Variants in DISP3 observed in about 807,000 individuals in gnomAD.
DISP3 encodes the protein dispatched RND transporter family member 3, also known as protein dispatched homolog 3.
A neutral mutation model predicts 135.3 loss-of-function variants in DISP3; 101 were observed. That is an observed-to-expected ratio of 0.75 (90% CI 0.64 to 0.88). The LOEUF (loss-of-function observed/expected upper bound fraction) is 0.88. DISP3 is among the 40% of genes least tolerant of loss of function. The pLI is 0.00. For missense variants in DISP3, 1,713 were observed against 1,878.6 expected, an observed-to-expected ratio of 0.91 and a Z score of 1.63; for synonymous variants, 856 against 817.0, an observed-to-expected ratio of 1.05 and a Z score of -0.81.
Position 11,483,538 on chromosome 1 carries a change from G to A in DISP3, c.-4+4166G>A, listed in dbSNP as rs1640959233. 6.6e-6 allele frequency among the ~76,000 whole-genome samples: 1 copy of A among 152,218 alleles called. No homozygotes were observed. Among genetic ancestry groups the A allele is most frequent in the Non-Finnish European group, 1.5e-5 (1 of 68,036 alleles). On this transcript the variant is annotated intron_variant, in intron 1 of 20. Coordinates refer to ENST00000294484, the MANE Select transcript of DISP3 (RefSeq NM_020780.2). The surrounding 1 kb of genome is among the most constrained non-coding windows in gnomAD (Gnocchi z 5.4). The stretch of plus-strand genomic sequence containing the variant: ...GCTGGGATCAGATTTTGATCTGAAT[G>A]AAGCAAAAACCCCCATTTTGCCAAG...
intron 1 of DISP3, among the ~76,000 whole-genome samples, chr1:11,500,236 G>A (rs1641464388): frequency 1.3e-5 from 2 of 152,252 alleles, no homozygotes; most frequent in Admixed American, 1.3e-4. Context: ...AAGCTACTGA[G>A]GGTTCTCCAG....
At chr1:11,507,177 G>T (rs1257527518) in intron 3 of DISP3, among the ~76,000 whole-genome samples, 1 of 152,144 alleles carries the variant, frequency 6.6e-6, no homozygotes, top group Non-Finnish European at 1.5e-5. Context: ...ACTTCAGAAG[G>T]CACATAGAGT....
chr1:11,494,852 G>A (rs1359849877), intron 1 of DISP3, among the ~76,000 whole-genome samples: 3 of 152,188 alleles, frequency 2.0e-5, no homozygotes, highest in Non-Finnish European at 2.9e-5. Flanking sequence ...TGGTATGGGG[G>A]AGTGGAGAAG....
rs552575328 is a variant in DISP3 at position 11,483,288 on chromosome 1, C to T, written c.-4+3916C>T. ...ACATGGCTGATGGCCTCAGGTCCTCCGCCTTATGATGGGAGGCTGGTGATA... is the reference window on the plus strand; with the variant it reads ...ACATGGCTGATGGCCTCAGGTCCTCTGCCTTATGATGGGAGGCTGGTGATA... On this transcript the variant is annotated intron_variant, in intron 1 of 20. Transcript: ENST00000294484. This position sits in a 1 kb window ranked among gnomAD's most constrained non-coding sequence, Gnocchi z 5.4. Among the ~76,000 whole-genome samples the T allele has an allele frequency of 3.3e-4, 51 of 152,338 alleles. 1 individual carries two copies. The highest frequency in any genetic ancestry group is 1.2e-3 in the African/African-American group (49 of 41,574).
In DISP3 at chr1:11,522,639, A is replaced by ACCCAGCCAGG. The variant is rs1557615099; in HGVS notation, c.2363-1303_2363-1302insCCCAGCCAGG. Among the ~76,000 whole-genome samples, 53 of 50,116 alleles carry ACCCAGCCAGG rather than the reference A, an allele frequency of 1.1e-3. 2 individuals are homozygous for ACCCAGCCAGG. The highest frequency in any genetic ancestry group is 3.7e-3 in the African/African-American group (43 of 11,576). 32.9% of individuals were successfully genotyped at this position (50,116 alleles called of 152,430 possible). On this transcript the variant is annotated intron_variant, in intron 10 of 20. Coordinates refer to ENST00000294484, the MANE Select transcript of DISP3 (RefSeq NM_020780.2). Reference sequence around the variant, plus strand: ...CAGGACCCAGCCAGAGCCCAGCCAGAGCCCAGCCAGGGCCCAGCCAGAGCC... The same window carrying ACCCAGCCAGG: ...CAGGACCCAGCCAGAGCCCAGCCAGACCCAGCCAGGGCCCAGCCAGGGCCCAGCCAGAGCC...
intron 3 of DISP3, among the ~76,000 whole-genome samples, chr1:11,512,862 G>T (rs189764142): frequency 6.6e-6 from 1 of 152,270 alleles, no homozygotes; most frequent in East Asian, 1.9e-4. Flanking sequence ...CAGAATCATG[G>T]CAGGAGGCAA....
rs749585684 is a variant in DISP3 at position 11,519,394 on chromosome 1, C to T, written c.1929C>T (p.Phe643=). ...QNCSRKTSLH[F]PGDVFAAPEQ... The stretch of plus-strand genomic sequence containing the variant: ...GCAGCCGGAAGACCTCCCTGCACTT[C>T]CCCGGAGACGTGTTTGCCGCTCCCG... Residue 643 remains phenylalanine, a synonymous_variant, in exon 8 of 21, where the codon TTC becomes TTT. Transcript: ENST00000294484. The surrounding 1 kb of genome is among the most constrained non-coding windows in gnomAD (Gnocchi z 4.3). 6 of 1,613,766 alleles carry T rather than the reference C, an allele frequency of 3.7e-6. No homozygotes were observed. The African/African-American group carries it at 8.0e-5, about 22-fold the overall frequency.
In DISP3 at chr1:11,534,486, C is replaced by T. The variant is rs1177151755; in HGVS notation, c.3481C>T (p.Arg1161Cys). The T allele has an allele frequency of 6.8e-6, 11 of 1,613,878 alleles. No individual in the cohort carries two copies. Among genetic ancestry groups the T allele is most frequent in the East Asian group, 2.2e-5 (1 of 44,886 alleles). Reference protein sequence around the residue: ...LQALPEGSVLRRGFQTCEHWK... With the variant: ...LQALPEGSVLCRGFQTCEHWK... ...GGCCTTGCCCGAGGGCTCAGTCCTG[C>T]GCCGGGGCTTCCAGACCTGCGAGCA... Residue 1161 changes from arginine (R) to cysteine (C), a missense_variant, in exon 18 of 21, where the codon CGC becomes TGC. Physicochemically the swap from Arg to Cys is radical, Grantham distance 180. Around this residue, in one of 2 missense-constraint regions of DISP3, gnomAD observed 1,142 missense variants for 1,384.6 expected, o/e 0.82. Transcript: ENST00000294484.
rs1256052301 is a variant in DISP3, at chr1:11,535,133, G to A, written c.3649+9G>A. 25 of 1,591,848 alleles carry A rather than the reference G, an allele frequency of 1.6e-5. No individual in the cohort carries two copies. The highest frequency in any genetic ancestry group is 2.1e-5 in the Non-Finnish European group (24 of 1,170,180). On this transcript the variant is annotated intron_variant, in intron 19 of 20. Coordinates refer to ENST00000294484, the MANE Select transcript of DISP3 (RefSeq NM_020780.2). ...GCTCCTCAGCATCTTGGGTACGTGG[G>A]CGAGGGGCTGGCAGGCACCCTGCTG...
At position 11,536,677 on chromosome 1, in the gene DISP3, C is replaced by T. The variant is rs1642714067; in HGVS notation, c.4170C>T (p.Ala1390=). 1.9e-5 allele frequency: 30 copies of T among 1,568,950 alleles called. 1 individual carries two copies. In the East Asian group the frequency reaches 6.4e-4, roughly 33 times the overall value. Residue 1390 remains alanine (A), a synonymous_variant, in exon 21 of 21, where the codon GCC becomes GCT. Coordinates refer to ENST00000294484, the MANE Select transcript of DISP3 (RefSeq NM_020780.2). The surrounding 1 kb of genome is among the most constrained non-coding windows in gnomAD (Gnocchi z 4.3). The stretch of plus-strand genomic sequence containing the variant: ...ATAAGATTCCCCTGCCCGCAGGGGC[C>T]TCCCTATAGCCCGGGACGGGCTCTG... ...SGYKIPLPAG[A]SL is the part of the protein sequence containing the mutation.
At position 11,536,550 on chromosome 1, in the gene DISP3, C is replaced by G; in HGVS notation, c.4043C>G (p.Ser1348Cys). The G allele has an allele frequency of 3.1e-6, 5 of 1,612,820 alleles. No individual in the cohort carries two copies. The South Asian group carries it at 5.5e-5, about 18-fold the overall frequency. Reference sequence around the variant, plus strand: ...CTGCTGGGCATCATGGCGCCCAGCTCTTTCACTCGGACCCGGACTTCCTTC... The same window carrying G: ...CTGCTGGGCATCATGGCGCCCAGCTGTTTCACTCGGACCCGGACTTCCTTC... ...TALLGIMAPS[S>C]FTRTRTSFLK... The change falls in exon 21 of 21, where the codon TCT becomes TGT. Residue 1348 changes from serine (S) to cysteine (C), a missense_variant. By Grantham distance (112) the Ser-to-Cys change is moderately radical (BLOSUM62 -1). Transcript: ENST00000294484. The surrounding 1 kb of genome is among the most constrained non-coding windows in gnomAD (Gnocchi z 4.3).
At chr1:11,514,312 C>T in intron 3 of DISP3, 78 bp from the exon 4 acceptor site, 1 of 1,484,030 alleles carries the variant, frequency 6.7e-7, no homozygotes, top group Non-Finnish European at 9.3e-7. Context: ...CCTGATACTC[C>T]TCTACATGTT....
In DISP3 at chr1:11,529,513, C is replaced by T; in HGVS notation, c.2799-43C>T. ...GCTGGCCTCACCTCCCCTGACTCCT[C>T]CTAGCCTTTCCGGCCTCAGCCCAGC... On this transcript the variant is annotated intron_variant, in intron 13 of 20. Transcript: ENST00000294484. This position sits in a 1 kb window ranked among gnomAD's most constrained non-coding sequence, Gnocchi z 4.7. The T allele has an allele frequency of 2.6e-6, 4 of 1,530,672 alleles. No individual in the cohort carries two copies. Among genetic ancestry groups the T allele is most frequent in the Non-Finnish European group, 3.5e-6 (4 of 1,136,550 alleles). 94.8% of individuals were successfully genotyped at this position (1,530,672 alleles called of 1,614,324 possible).
intron 3 of DISP3, among the ~76,000 whole-genome samples, chr1:11,512,803 C>G (rs1641893509): frequency 6.6e-6 from 1 of 152,012 alleles, no homozygotes; most frequent in Non-Finnish European, 1.5e-5. Context: ...AAACTGAGAA[C>G]AAAAAGAGGT....
chr1:11,489,025 C>T (rs1641113209), intron 1 of DISP3, among the ~76,000 whole-genome samples: 1 of 152,232 alleles, frequency 6.6e-6, no homozygotes, highest in African/African-American at 2.4e-5. Context: ...GGGCAGCCTC[C>T]ACCATCTCCT....
rs1392613952 is a variant in DISP3, at chr1:11,501,721, G to A, written c.729G>A (p.Ala243=). Residue 243 remains alanine, a synonymous_variant, in exon 2 of 21, where the codon GCG becomes GCA. Coordinates refer to ENST00000294484, the MANE Select transcript of DISP3 (RefSeq NM_020780.2). This position sits in a 1 kb window ranked among gnomAD's most constrained non-coding sequence, Gnocchi z 4.9. ...QPSIPPHAAV[A]ANQSRARRGA... ...GCATCCCGCCCCACGCGGCAGTCGC[G>A]GCCAATCAGAGCCGTGCCCGCCGAG... 4 of 1,598,008 alleles carry A rather than the reference G, an allele frequency of 2.5e-6. No individual in the cohort carries two copies. Among genetic ancestry groups the A allele is most frequent in the Non-Finnish European group, 2.6e-6 (3 of 1,172,288 alleles).
chr1:11,515,664 G>A (rs1379024442), intron 5 of DISP3, among the ~76,000 whole-genome samples, 161 bp downstream of exon 5: 1 of 152,218 alleles, frequency 6.6e-6, no homozygotes, highest in Non-Finnish European at 1.5e-5. Flanking sequence ...GGTGGTGGGC[G>A]GATCCTTGGC....
intron 1 of DISP3, among the ~76,000 whole-genome samples, chr1:11,487,526 A>G (rs2379137): frequency 0.98 from 149,818 of 152,336 alleles, 73,727 homozygotes; most frequent in Middle Eastern, 1. Flanking sequence ...ACTTGAATAG[A>G]AATCAATTTG....
chr1:11,534,274 C>T (rs899291043), intron 17 of DISP3, 107 bp from the exon 18 acceptor site: 7 of 1,367,812 alleles, frequency 5.1e-6, no homozygotes, highest in Non-Finnish European at 1.0e-6. Flanking sequence ...CCCTCCCCAA[C>T]ACACGCACCA....
Sources: gnomAD v4.1 joint callset for allele counts (sites outside exome capture counted in the v4.1 genomes callset) on GRCh38, gnomAD v4.1.1 for gene constraint, gnomAD v4.1.1 regional missense constraint, Gnocchi (gnomAD v3.1) non-coding constraint, MANE v1.5 for transcripts, NCBI Gene and HGNC (gene_info 2026-07-23, HGNC 2026-07-21) for gene names.